TMEM135: variants seen among roughly 807,000 people sequenced by gnomAD.
TMEM135 encodes transmembrane protein 135, also known as peroxisomal membrane protein 52.
TMEM135 carries 30 observed loss-of-function variants against 60.3 expected under a neutral mutation model. That is an observed-to-expected ratio of 0.50 (90% CI 0.37 to 0.68). The LOEUF (loss-of-function observed/expected upper bound fraction) is 0.68. TMEM135 is among the 30% of genes least tolerant of loss of function. The probability of loss-of-function intolerance (pLI) is 0.00; values close to 1 mark genes in which losing one functional copy is unlikely to be tolerated. For missense variants in TMEM135, 468 were observed against 548.8 expected (o/e 0.85, Z 1.47); for synonymous variants, 190 against 186.7 (o/e 1.02, Z -0.14).
rs1254347100 is a variant in TMEM135, at chr11:87,108,836, G to T, written c.396+17441G>T. On this transcript the variant is annotated intron_variant, in intron 4 of 14. Transcript: ENST00000305494. ...GCCTTTGGTTGTTTGCCAAAAACTA[G>T]AAGTAATCAAAAGTTCATTAATAGG... Among the ~76,000 whole-genome samples the T allele has an allele frequency of 2.6e-5, 4 of 152,274 alleles. No homozygotes were observed. In the East Asian group the frequency reaches 5.8e-4, roughly 22 times the overall value.
intron 14 of TMEM135, among the ~76,000 whole-genome samples, chr11:87,319,992 C>T (rs558913398): frequency 6.6e-6 from 1 of 152,202 alleles, no homozygotes; most frequent in South Asian, 2.1e-4. Flanking sequence ...AATAATAATG[C>T]ATACATTGTA....
At chr11:87,138,088 C>CTTTTTTT (rs10671410) in intron 4 of TMEM135, among the ~76,000 whole-genome samples, 1 of 137,926 alleles carries the variant, frequency 7.3e-6, no homozygotes, top group East Asian at 2.2e-4. Flanking sequence ...AAGTTGATTT[C>CTTTTTTT]TTTTTTTTTT....
rs1268577300 is a variant in TMEM135 at position 87,049,909 on chromosome 11, G to C, written c.141+11723G>C. ...CACCTATTCCAAAATTGACCACATA[G>C]TTGGAAGTAAAGCTCTCCTCAGCAA... On this transcript the variant is annotated intron_variant, in intron 1 of 14. Transcript: ENST00000305494. Among the ~76,000 whole-genome samples the C allele has an allele frequency of 3.4e-4, 36 of 105,522 alleles. 3 individuals carry two copies. The highest frequency in any genetic ancestry group is 1.4e-3 in the African/African-American group (35 of 24,270). 69.2% of individuals were successfully genotyped at this position (105,522 alleles called of 152,430 possible).
chr11:87,112,079 T>A (rs1483518533), intron 4 of TMEM135, among the ~76,000 whole-genome samples: 1 of 152,128 alleles, frequency 6.6e-6, no homozygotes, highest in Non-Finnish European at 1.5e-5. Flanking sequence ...ATATAGAGCA[T>A]GATTGTTTTA....
chr11:87,156,417 A>G (rs1307278082), intron 4 of TMEM135, among the ~76,000 whole-genome samples: 1 of 152,160 alleles, frequency 6.6e-6, no homozygotes, highest in Non-Finnish European at 1.5e-5. Flanking sequence ...GGATTTTAAT[A>G]GGGATTGCAT....
At chr11:87,312,238 T>G (rs1323280823) in intron 10 of TMEM135, among the ~76,000 whole-genome samples, 1 of 151,368 alleles carries the variant, frequency 6.6e-6, no homozygotes, top group African/African-American at 2.4e-5. Flanking sequence ...CATTCTAGCT[T>G]CACTATTGCC....
chr11:87,263,483 C>T (rs1941691742), intron 6 of TMEM135, among the ~76,000 whole-genome samples: 1 of 152,108 alleles, frequency 6.6e-6, no homozygotes, highest in South Asian at 2.1e-4. Context: ...TTCACTCATA[C>T]TTTTACTCTA....
intron 12 of TMEM135, among the ~76,000 whole-genome samples, chr11:87,315,309 A>T (rs559506902): frequency 1.3e-3 from 195 of 151,984 alleles, no homozygotes; most frequent in African/African-American, 4.4e-3. Context: ...TAACTCATAA[A>T]TTTTTTTAGT....
chr11:87,285,119 G>C (rs1942139683), intron 6 of TMEM135, among the ~76,000 whole-genome samples: 1 of 152,078 alleles, frequency 6.6e-6, no homozygotes. Flanking sequence ...ATATTTTCTT[G>C]GTAATCGTAT....
At chr11:87,219,082 A>G (rs569402052) in intron 5 of TMEM135, among the ~76,000 whole-genome samples, 3 of 152,382 alleles carry the variant, frequency 2.0e-5, no homozygotes, top group Admixed American at 6.5e-5. Flanking sequence ...AAATAAAATT[A>G]AAACATTAGA....
chr11:87,102,738 A>ATG (rs1367100242), intron 4 of TMEM135, among the ~76,000 whole-genome samples: 3 of 143,634 alleles, frequency 2.1e-5, no homozygotes, highest in Non-Finnish European at 4.5e-5. Flanking sequence ...GTATATATAT[A>ATG]TGTATATATG....
Position 87,323,782 on chromosome 11 carries a change from T to A in TMEM135, c.*2449T>A, listed in dbSNP as rs1042010986. ...AACAGATTGTCTCAAATCTATTCAATTCTCAGCAGTTTTTCATCAAATAAT... is the reference window on the plus strand; with the variant it reads ...AACAGATTGTCTCAAATCTATTCAAATCTCAGCAGTTTTTCATCAAATAAT... On this transcript the variant is annotated 3_prime_UTR_variant, in exon 15 of 15. Transcript: ENST00000305494. The A allele has an allele frequency of 4.4e-6, 2 of 453,860 alleles. No homozygotes were observed. Among genetic ancestry groups the A allele is most frequent in the African/African-American group, 4.0e-5 (2 of 50,008 alleles). The allele number at this position is 453,860 out of a possible 1,614,324, so 28.1% of individuals were successfully genotyped here.
At chr11:87,207,684 T>A (rs1219667595) in intron 5 of TMEM135, among the ~76,000 whole-genome samples, 1 of 152,178 alleles carries the variant, frequency 6.6e-6, no homozygotes, top group Non-Finnish European at 1.5e-5. Context: ...ACACTGTCAT[T>A]TTCTATTGCT....
intron 5 of TMEM135, among the ~76,000 whole-genome samples, chr11:87,160,224 C>T (rs1227626704): frequency 6.6e-6 from 1 of 152,134 alleles, no homozygotes; most frequent in Non-Finnish European, 1.5e-5. Context: ...ATTTTGTGTA[C>T]TTACTGGACA....
chr11:87,085,715 C>G (rs574894928), intron 3 of TMEM135, among the ~76,000 whole-genome samples: 4 of 152,114 alleles, frequency 2.6e-5, no homozygotes, highest in African/African-American at 9.7e-5. Context: ...CAAGATTGAA[C>G]CGCTGCACTC....
chr11:87,321,170 A>G, intron 14 of TMEM135, 31 bp from the exon 15 acceptor site: 1 of 1,582,822 alleles, frequency 6.3e-7, no homozygotes, highest in Non-Finnish European at 8.7e-7. Flanking sequence ...AACTATATTA[A>G]TACTTGTTTA....
intron 4 of TMEM135, among the ~76,000 whole-genome samples, chr11:87,122,462 T>TATTTATTTATTTATTA (rs1411807673): frequency 4.0e-5 from 6 of 150,106 alleles, no homozygotes; most frequent in African/African-American, 1.5e-4. Flanking sequence ...TTTATTTATT[T>TATTTATTTATTTATTA]ATTATTTATT....
intron 4 of TMEM135, among the ~76,000 whole-genome samples, chr11:87,100,831 C>T (rs114166631): frequency 0.012 from 1,796 of 152,026 alleles, 40 homozygotes; most frequent in African/African-American, 0.041. Context: ...CAGTGCACTC[C>T]AGCCTTTGCA....
chr11:87,222,661 G>C (rs61905619), intron 5 of TMEM135, among the ~76,000 whole-genome samples: 1 of 150,932 alleles, frequency 6.6e-6, no homozygotes, highest in African/African-American at 2.4e-5. Context: ...AAAAATAGCT[G>C]GGTGTGGTGG....
Sources: allele counts gnomAD v4.1 joint callset (sites outside exome capture counted in the v4.1 genomes callset), GRCh38; gene constraint gnomAD v4.1.1; transcripts MANE v1.5; gene names NCBI Gene and HGNC (gene_info 2026-07-23, HGNC 2026-07-21).